Variants in TTLL5 observed in about 807,000 individuals in gnomAD.
TTLL5 encodes tubulin tyrosine ligase like 5, also known as tubulin polyglutamylase TTLL5.
A neutral mutation model predicts 168.4 loss-of-function variants in TTLL5; 132 were observed. The ratio of observed to expected loss-of-function variants is 0.78; its 90% CI spans 0.68 to 0.91. The LOEUF (loss-of-function observed/expected upper bound fraction) is 0.91. Ranked by LOEUF, TTLL5 falls within the 40% of genes least tolerant of loss-of-function variation. TTLL5 has a pLI of 0.00. For missense variants in TTLL5, 1,545 were observed against 1,581.5 expected (o/e 0.98, Z 0.39); for synonymous variants, 546 against 558.6 (o/e 0.98, Z 0.32).
rs998794256 is a variant in TTLL5 at position 75,707,060 on chromosome 14, T to C, written c.628T>C (p.Tyr210His). Residue 210 changes from tyrosine (Y) to histidine (H), a missense_variant, in exon 8 of 32, where the codon TAC becomes CAC. Physicochemically the swap from Tyr to His is moderately conservative, Grantham distance 83. Coordinates refer to ENST00000298832, the MANE Select transcript of TTLL5 (RefSeq NM_015072.5). ...GGAAGAGAACATTTTGGTCTCCCGT[T>C]ACATTAACAACCCCCTGCTCATAGA... ...SLEENILVSR[Y>H]INNPLLIDDF... 1 of 1,612,968 alleles carries C rather than the reference T, an allele frequency of 6.2e-7. No homozygotes were observed. Among genetic ancestry groups the C allele is most frequent in the South Asian group, 1.1e-5 (1 of 91,030 alleles).
At chr14:75,850,937 A>G (rs1284872551) in intron 28 of TTLL5, among the ~76,000 whole-genome samples, 1 of 151,924 alleles carries the variant, frequency 6.6e-6, no homozygotes, top group East Asian at 1.9e-4. Flanking sequence ...TCTACAAGAA[A>G]TAAAAAATTA....
intron 30 of TTLL5, among the ~76,000 whole-genome samples, chr14:75,893,113 C>T (rs1360890775): frequency 2.0e-5 from 3 of 152,120 alleles, no homozygotes; most frequent in African/African-American, 4.8e-5. Context: ...TTAAAACAGT[C>T]AGACATGTTA....
intron 31 of TTLL5, among the ~76,000 whole-genome samples, chr14:75,923,319 T>A (rs2033894869): frequency 6.6e-6 from 1 of 152,246 alleles, no homozygotes; most frequent in Non-Finnish European, 1.5e-5. Flanking sequence ...TGATTTTAGA[T>A]CTTTCCTGCT....
chr14:75,702,443 G>C (rs569260859), intron 7 of TTLL5, among the ~76,000 whole-genome samples: 14 of 152,180 alleles, frequency 9.2e-5, no homozygotes, highest in Non-Finnish European at 1.9e-4. Context: ...GTCAGCTATG[G>C]TACAAGTTTG....
chr14:75,770,243 A>G (rs1380935268), intron 20 of TTLL5, among the ~76,000 whole-genome samples: 1 of 151,932 alleles, frequency 6.6e-6, no homozygotes, highest in African/African-American at 2.4e-5. Flanking sequence ...TGCTCCCATA[A>G]AAACCATCCC....
At chr14:75,901,262 C>T (rs1173449472) in intron 30 of TTLL5, among the ~76,000 whole-genome samples, 1 of 152,088 alleles carries the variant, frequency 6.6e-6, no homozygotes, top group Non-Finnish European at 1.5e-5. Context: ...TACATTCTAG[C>T]AAGGGTGATG....
chr14:75,794,964 A>C (rs1349492029), intron 27 of TTLL5, among the ~76,000 whole-genome samples: 1 of 152,136 alleles, frequency 6.6e-6, no homozygotes, highest in Non-Finnish European at 1.5e-5. Flanking sequence ...GACACTGACT[A>C]GCTGTGTGAT....
chr14:75,790,472 C>CTT (rs201060570), intron 26 of TTLL5, among the ~76,000 whole-genome samples: 1 of 142,872 alleles, frequency 7.0e-6, no homozygotes, highest in African/African-American at 2.6e-5. Context: ...TTCTTTTTTT[C>CTT]TTTTTTTTTT....
intron 27 of TTLL5, among the ~76,000 whole-genome samples, chr14:75,801,759 A>G (rs1465463041): frequency 1.3e-5 from 2 of 152,218 alleles, no homozygotes; most frequent in South Asian, 2.1e-4. Context: ...ATAATGGTTT[A>G]GTATAGATTC....
intron 20 of TTLL5, among the ~76,000 whole-genome samples, chr14:75,770,179 G>GAAAAAAA (rs56876692): frequency 5.5e-4 from 47 of 84,964 alleles, no homozygotes; most frequent in Non-Finnish European, 6.7e-4. Context: ...ACTCTGTCTC[G>GAAAAAAA]AAAAAAAAAA....
At chr14:75,815,585 A>G (rs1894346609) in intron 27 of TTLL5, among the ~76,000 whole-genome samples, 1 of 152,250 alleles carries the variant, frequency 6.6e-6, no homozygotes, top group South Asian at 2.1e-4. Context: ...TCTTCTGATG[A>G]AAGATAACAA....
At chr14:75,902,899 C>A (rs1997559) in intron 31 of TTLL5, among the ~76,000 whole-genome samples, 25,007 of 152,116 alleles carry the variant, frequency 0.16, 2,898 homozygotes, top group African/African-American at 0.32. Context: ...AGATACACAC[C>A]GGGTGAACAA....
At chr14:75,866,990 C>T (rs1242586720) in intron 29 of TTLL5, among the ~76,000 whole-genome samples, 2 of 152,166 alleles carry the variant, frequency 1.3e-5, no homozygotes, top group Non-Finnish European at 2.9e-5. Flanking sequence ...AAACAATGAG[C>T]TTTTACACAC....
intron 26 of TTLL5, among the ~76,000 whole-genome samples, chr14:75,790,065 T>C (rs1892607224): frequency 6.6e-6 from 1 of 152,200 alleles, no homozygotes; most frequent in African/African-American, 2.4e-5. Context: ...AAATTTCATG[T>C]ATGACAGAGA....
At chr14:75,745,700 A>C (rs1889566421) in intron 17 of TTLL5, 119 bp downstream of exon 17, 1 of 741,912 alleles carries the variant, frequency 1.3e-6, no homozygotes, top group African/African-American at 1.8e-5. Flanking sequence ...TTTATTTATA[A>C]TATGATAAAT....
chr14:75,857,864 T>C (rs1267705173), intron 28 of TTLL5, among the ~76,000 whole-genome samples: 1 of 152,070 alleles, frequency 6.6e-6, no homozygotes, highest in East Asian at 1.9e-4. Context: ...TTGGCCAGAC[T>C]GGTCTCGAAC....
rs2031889275 is a variant in TTLL5, at chr14:75,882,791, C to T, written c.3629C>T (p.Thr1210Ile). 6.2e-7 allele frequency: 1 copy of T among 1,614,086 alleles called. No homozygotes were observed. The highest frequency in any genetic ancestry group is 8.5e-7 in the Non-Finnish European group (1 of 1,180,006). The change falls in exon 30 of 32, where the codon ACT becomes ATT. Residue 1210 changes from threonine (T) to isoleucine (I), a missense_variant. Physicochemically the swap from Thr to Ile is moderately conservative, Grantham distance 89. Coordinates refer to ENST00000298832, the MANE Select transcript of TTLL5 (RefSeq NM_015072.5). ...SATASGQKPT[T>I]LPQKVVPPPS... Reference sequence around the variant, plus strand: ...ACAGCTAGTGGCCAGAAGCCAACCACTCTGCCACAAAAAGTGGTACCACCT... The same window carrying T: ...ACAGCTAGTGGCCAGAAGCCAACCATTCTGCCACAAAAAGTGGTACCACCT...
chr14:75,859,760 A>C (rs756297639), intron 28 of TTLL5, among the ~76,000 whole-genome samples: 1 of 152,214 alleles, frequency 6.6e-6, no homozygotes, highest in African/African-American at 2.4e-5. Context: ...CTAGAAAGGA[A>C]TATTTAGATA....
chr14:75,863,594 A>G, intron 28 of TTLL5, 73 bp from the exon 29 acceptor site: 9 of 1,392,550 alleles, frequency 6.5e-6, no homozygotes, highest in East Asian at 2.4e-5. Context: ...AATACCTGAG[A>G]TATTTCTCTC....
Sources: gnomAD v4.1 joint callset for allele counts (sites outside exome capture counted in the v4.1 genomes callset) on GRCh38, gnomAD v4.1.1 for gene constraint, MANE v1.5 for transcripts, NCBI Gene and HGNC (gene_info 2026-07-23, HGNC 2026-07-21) for gene names.